The following SUGCT variants were observed in gnomAD, a reference collection of about 807,000 sequenced individuals.
The protein encoded by SUGCT is succinyl-CoA:glutarate CoA-transferase.
In SUGCT, 41 loss-of-function variants were observed where a neutral mutation model predicts 55.0. The ratio of observed to expected loss-of-function variants is 0.74; its 90% confidence interval spans 0.58 to 0.97. SUGCT has a LOEUF of 0.97. Ranked by LOEUF, SUGCT falls within the 50% of genes least tolerant of loss-of-function variation. The pLI is 0.00. For missense variants in SUGCT, 568 were observed against 547.8 expected (o/e 1.04, Z -0.37); for synonymous variants, 187 against 200.4 (o/e 0.93, Z 0.56).
chr7:40,265,019 T>C (rs1203864218), intron 7 of SUGCT, among the ~76,000 whole-genome samples: 1 of 152,134 alleles, frequency 6.6e-6, no homozygotes, highest in Non-Finnish European at 1.5e-5. Flanking sequence ...ATTTGACAAC[T>C]GAGAAAAAAA....
intron 8 of SUGCT, among the ~76,000 whole-genome samples, chr7:40,278,048 A>G (rs1327536764): frequency 1.3e-5 from 2 of 152,250 alleles, no homozygotes; most frequent in Non-Finnish European, 1.5e-5. Context: ...ATAGTGTTCC[A>G]TGGTGTATAT....
chr7:40,637,159 A>C (rs1185489744), intron 12 of SUGCT, among the ~76,000 whole-genome samples: 6 of 152,154 alleles, frequency 3.9e-5, no homozygotes, highest in African/African-American at 1.4e-4. Flanking sequence ...TCCAGGGAAA[A>C]CTCACTAAAA....
intron 8 of SUGCT, among the ~76,000 whole-genome samples, chr7:40,303,663 C>T (rs561651603): frequency 5.9e-5 from 9 of 152,268 alleles, no homozygotes; most frequent in African/African-American, 2.2e-4. Context: ...TCTTCTCTTT[C>T]ACACTGTCCA....
At position 40,558,019 on chromosome 7, in the gene SUGCT, A is replaced by G. The variant is rs542502165; in HGVS notation, c.1089+61633A>G. Among the ~76,000 whole-genome samples, 5 of 152,182 alleles carry G rather than the reference A, an allele frequency of 3.3e-5. No individual in the cohort carries two copies. The East Asian group carries it at 9.7e-4, about 29-fold the overall frequency. On this transcript the variant is annotated intron_variant, in intron 12 of 13. Transcript: ENST00000335693. Reference sequence around the variant, plus strand: ...CAATAAGCAGATGAAAAGATGCTCCACATTATTAGTCATTAAGGAAATGCA... The same window carrying G: ...CAATAAGCAGATGAAAAGATGCTCCGCATTATTAGTCATTAAGGAAATGCA...
At chr7:40,467,094 T>G (rs1045739939) in intron 11 of SUGCT, among the ~76,000 whole-genome samples, 13 of 148,064 alleles carry the variant, frequency 8.8e-5, no homozygotes, top group South Asian at 2.1e-4. Context: ...CCCAACAACT[T>G]GGGAGACTGA....
At chr7:40,921,974 G>A in the SUGCT span, among the ~76,000 whole-genome samples, 9 of 152,124 alleles carry the variant, frequency 5.9e-5, no homozygotes, top group African/African-American at 1.2e-4. Context: ...AATATAAATC[G>A]TAGTGAAGTC....
chr7:40,829,858 CA>C (rs1792560471), intron 13 of SUGCT, among the ~76,000 whole-genome samples: 1 of 152,174 alleles, frequency 6.6e-6, no homozygotes, highest in Non-Finnish European at 1.5e-5. Flanking sequence ...CATTTCCACA[CA>C]GACACCAAAA....
Position 40,776,745 on chromosome 7 carries a change from A to C in SUGCT, c.1153+27248A>C, listed in dbSNP as rs112188170. The stretch of plus-strand genomic sequence containing the variant: ...AAGGTGTGAGCTAAAGCTGGCTGGT[A>C]CCTAGCATTCTGGCTCTTTTCCCTC... On this transcript the variant is annotated intron_variant, in intron 13 of 13. Transcript: ENST00000335693. Among the ~76,000 whole-genome samples, 253 of 152,282 alleles carry C rather than the reference A, an allele frequency of 1.7e-3. 1 individual carries two copies. The highest frequency in any genetic ancestry group is 5.8e-3 in the African/African-American group (242 of 41,564).
chr7:40,630,838 G>A (rs1020330489), intron 12 of SUGCT, among the ~76,000 whole-genome samples: 1 of 133,180 alleles, frequency 7.5e-6, no homozygotes, highest in South Asian at 2.7e-4. Context: ...ACTGGTCTGT[G>A]TGTCTTTGTG....
At chr7:40,300,756 G>A (rs1380166358) in intron 8 of SUGCT, among the ~76,000 whole-genome samples, 1 of 152,174 alleles carries the variant, frequency 6.6e-6, no homozygotes, top group African/African-American at 2.4e-5. Context: ...GTGCCATGTG[G>A]TCTGTTGATG....
intron 9 of SUGCT, among the ~76,000 whole-genome samples, chr7:40,443,733 C>G (rs1002936955): frequency 2.6e-5 from 4 of 152,138 alleles, no homozygotes; most frequent in Admixed American, 6.5e-5. Context: ...TTAATTAGAT[C>G]CCATTTGTCA....
chr7:40,415,297 A>G (rs1786937468), intron 9 of SUGCT, among the ~76,000 whole-genome samples: 1 of 150,534 alleles, frequency 6.6e-6, no homozygotes, highest in Admixed American at 6.6e-5. Context: ...ATTTGGCCAC[A>G]TAATGTGTAA....
chr7:40,544,507 A>G (rs1328185832), intron 12 of SUGCT, among the ~76,000 whole-genome samples: 2 of 152,150 alleles, frequency 1.3e-5, no homozygotes, highest in African/African-American at 2.4e-5. Context: ...TCCACATTAA[A>G]TCTGTCTTTT....
chr7:40,845,184 A>G (rs1216260223), intron 13 of SUGCT, among the ~76,000 whole-genome samples: 1 of 152,204 alleles, frequency 6.6e-6, no homozygotes, highest in Non-Finnish European at 1.5e-5. Context: ...ATCACAAGAG[A>G]TAATGCAATT....
intron 9 of SUGCT, among the ~76,000 whole-genome samples, chr7:40,413,305 C>A (rs943017004): frequency 6.6e-6 from 1 of 152,126 alleles, no homozygotes; most frequent in Non-Finnish European, 1.5e-5. Context: ...TTCCTCCCGG[C>A]ATCTCCTCAA....
the SUGCT span, among the ~76,000 whole-genome samples, chr7:41,038,032 G>T: frequency 2.2e-3 from 339 of 152,286 alleles, 2 homozygotes; most frequent in African/African-American, 7.7e-3. Flanking sequence ...GCAAGCGGGG[G>T]AAGAGTGCTT....
intron 12 of SUGCT, among the ~76,000 whole-genome samples, chr7:40,696,669 G>T (rs546672213): frequency 6.6e-6 from 1 of 152,242 alleles, no homozygotes; most frequent in South Asian, 2.1e-4. Flanking sequence ...TTAACTCTGT[G>T]TCTCTTTCTC....
At chr7:40,161,318 T>C (rs1207996477) in intron 1 of SUGCT, among the ~76,000 whole-genome samples, 1 of 152,170 alleles carries the variant, frequency 6.6e-6, no homozygotes, top group African/African-American at 2.4e-5. Flanking sequence ...TCCTTTCCCT[T>C]CTATTCCTCC....
At chr7:40,513,033 C>T (rs1012194758) in intron 12 of SUGCT, among the ~76,000 whole-genome samples, 17 of 152,090 alleles carry the variant, frequency 1.1e-4, no homozygotes, top group Non-Finnish European at 1.0e-4. Flanking sequence ...CAGCATGATC[C>T]GGGATGTAGA....
Sources: gnomAD v4.1 joint callset for allele counts (sites outside exome capture counted in the v4.1 genomes callset) on GRCh38, gnomAD v4.1.1 for gene constraint, MANE v1.5 for transcripts, NCBI Gene and HGNC (gene_info 2026-07-23, HGNC 2026-07-21) for gene names.